The following FRAS1 variants were observed in gnomAD, a reference collection of about 807,000 sequenced individuals.
FRAS1 encodes Fraser extracellular matrix complex subunit 1.
A neutral mutation model predicts 435.2 loss-of-function variants in FRAS1; 290 were observed. That is an observed-to-expected ratio of 0.67 (90% CI 0.61 to 0.73). The LOEUF (loss-of-function observed/expected upper bound fraction) is 0.73. FRAS1 is among the 30% of genes least tolerant of loss of function. The pLI is 0.00. For missense variants in FRAS1, 4,860 were observed against 5,001.5 expected (o/e 0.97, Z 0.85); for synonymous variants, 1,800 against 1,851.0 (o/e 0.97, Z 0.71).
chr4:78,194,375 T>C (rs561919994), intron 2 of FRAS1, among the ~76,000 whole-genome samples: 38 of 152,352 alleles, frequency 2.5e-4, no homozygotes, highest in African/African-American at 9.1e-4. Flanking sequence ...GTTTTACAAC[T>C]TGGTTCCATT....
Position 78,193,056 on chromosome 4 carries a change from A to G in FRAS1, c.109-44454A>G, listed in dbSNP as rs563078112. On this transcript the variant is annotated intron_variant, in intron 2 of 73. Transcript: ENST00000512123. ...CCCAGCAGTCATTCAGGAGCAGGTTATTTATTTTCCATGTAGTTGAGCGGT... is the reference window on the plus strand; with the variant it reads ...CCCAGCAGTCATTCAGGAGCAGGTTGTTTATTTTCCATGTAGTTGAGCGGT... 3.4e-3 allele frequency among the ~76,000 whole-genome samples: 515 copies of G among 152,182 alleles called. 5 individuals carry two copies. The highest frequency in any genetic ancestry group is 0.012 in the African/African-American group (496 of 41,528).
intron 2 of FRAS1, among the ~76,000 whole-genome samples, chr4:78,188,330 C>CTATA (rs1560570789): frequency 2.8e-4 from 41 of 146,790 alleles, no homozygotes; most frequent in African/African-American, 1.0e-3. Context: ...ATCTATCTAT[C>CTATA]TATATTTAGG....
intron 14 of FRAS1, among the ~76,000 whole-genome samples, chr4:78,303,173 T>C (rs1480159634): frequency 6.6e-6 from 1 of 152,202 alleles, no homozygotes; most frequent in Admixed American, 6.5e-5. Context: ...GTTGTAGATA[T>C]GCGGCATTAT....
intron 30 of FRAS1, among the ~76,000 whole-genome samples, chr4:78,406,750 G>A (rs1205935152): frequency 6.6e-6 from 1 of 152,120 alleles, no homozygotes; most frequent in African/African-American, 2.4e-5. Context: ...TGGAGCTTAA[G>A]GAAGCTCACT....
In FRAS1 at chr4:78,363,534, A is replaced by G; in HGVS notation, c.2444A>G (p.His815Arg). The part of the protein sequence containing the change: ...YCADCHHLCQ[H>R]CAADLHNTGS... The stretch of plus-strand genomic sequence containing the variant: ...CCAGACTGCCATCACCTGTGCCAGC[A>G]CTGTGCAGCTGATCTCCACAACACT... The change falls in exon 21 of 74, where the codon CAC (histidine) becomes CGC (arginine). Residue 815 changes from histidine to arginine, a missense_variant. His to Arg is a conservative substitution (Grantham distance 29). Coordinates refer to ENST00000512123, the MANE Select transcript of FRAS1 (RefSeq NM_025074.7). 1 of 1,613,192 alleles carries G rather than the reference A, an allele frequency of 6.2e-7. No homozygotes were observed.
chr4:78,541,266 A>G lies in FRAS1; in HGVS notation c.*142A>G. ...CAGCACACATCACATGCATCAACTC[A>G]CAACTGAGCTACCTCATTCAGCAAA... On this transcript the variant is annotated 3_prime_UTR_variant, in exon 74 of 74. Transcript: ENST00000512123. The G allele has an allele frequency of 2.2e-6, 1 of 454,996 alleles. No individual in the cohort carries two copies. Among genetic ancestry groups the G allele is most frequent in the Middle Eastern group, 5.9e-4 (1 of 1,702 alleles). 28.2% of individuals were successfully genotyped at this position (454,996 alleles called of 1,614,324 possible).
intron 25 of FRAS1, among the ~76,000 whole-genome samples, chr4:78,375,162 G>C (rs907568776): frequency 3.3e-5 from 5 of 152,080 alleles, no homozygotes; most frequent in Non-Finnish European, 7.3e-5. Context: ...CCTATTAATA[G>C]CTGCTCCCCT....
chr4:78,405,417 C>T (rs926278612), intron 30 of FRAS1, among the ~76,000 whole-genome samples: 3 of 152,048 alleles, frequency 2.0e-5, no homozygotes, highest in Admixed American at 2.0e-4. Flanking sequence ...TTTTTTTCTA[C>T]TTGAGTACAA....
At chr4:78,388,343 A>C (rs958544901) in intron 29 of FRAS1, among the ~76,000 whole-genome samples, 1 of 151,862 alleles carries the variant, frequency 6.6e-6, no homozygotes, top group African/African-American at 2.4e-5. Flanking sequence ...AAAAAAAAAA[A>C]AAACAAAAAA....
chr4:78,060,845 A>G (rs930567660), intron 1 of FRAS1, among the ~76,000 whole-genome samples: 3 of 152,014 alleles, frequency 2.0e-5, no homozygotes, highest in African/African-American at 7.3e-5. Context: ...AAATTTTATT[A>G]TTTTTATTAT....
intron 2 of FRAS1, chr4:78,071,159 T>G (rs1422017518): frequency 6.6e-6 from 1 of 152,208 alleles, no homozygotes; most frequent in Non-Finnish European, 1.5e-5. Context: ...AAATGTGGAA[T>G]GTTGACTATA....
chr4:78,127,430 G>A (rs542137918), intron 2 of FRAS1, among the ~76,000 whole-genome samples: 10 of 152,298 alleles, frequency 6.6e-5, no homozygotes, highest in African/African-American at 2.2e-4. Flanking sequence ...TCAGTGTTCT[G>A]GCCATAGCCT....
intron 2 of FRAS1, among the ~76,000 whole-genome samples, chr4:78,184,321 T>A (rs1026343401): frequency 6.6e-6 from 1 of 152,206 alleles, no homozygotes; most frequent in African/African-American, 2.4e-5. Context: ...GTGGGAAAAC[T>A]GTCATGGATG....
intron 2 of FRAS1, chr4:78,182,052 T>C: frequency 6.6e-7 from 1 of 1,509,034 alleles, no homozygotes; most frequent in South Asian, 1.4e-5. Flanking sequence ...GGCATGATGG[T>C]GGCTCGGCGG....
chr4:78,377,901 A>G (rs1731843243), intron 26 of FRAS1, among the ~76,000 whole-genome samples: 1 of 151,316 alleles, frequency 6.6e-6, no homozygotes, highest in Non-Finnish European at 1.5e-5. Flanking sequence ...AGATCCCTAT[A>G]TGATTCTTAT....
chr4:78,220,884 A>C (rs1004210669), intron 2 of FRAS1, among the ~76,000 whole-genome samples: 1 of 152,176 alleles, frequency 6.6e-6, no homozygotes, highest in Non-Finnish European at 1.5e-5. Flanking sequence ...ACGTTTATTA[A>C]AAAATAATAC....
intron 29 of FRAS1, among the ~76,000 whole-genome samples, chr4:78,388,574 G>A (rs1172620904): frequency 8.9e-4 from 136 of 151,988 alleles, no homozygotes; most frequent in Non-Finnish European, 2.6e-4. Flanking sequence ...GAGGTAAGGG[G>A]ATCACTTGAG....
chr4:78,165,365 C>T (rs1406683752), intron 2 of FRAS1, among the ~76,000 whole-genome samples: 8 of 152,088 alleles, frequency 5.3e-5, no homozygotes, highest in Admixed American at 2.6e-4. Flanking sequence ...TTGAAAAACC[C>T]GAGGATCTTG....
At chr4:78,486,240 T>A (rs1314029566) in intron 58 of FRAS1, among the ~76,000 whole-genome samples, 3 of 152,206 alleles carry the variant, frequency 2.0e-5, no homozygotes, top group Non-Finnish European at 2.9e-5. Flanking sequence ...TTACATTCAC[T>A]TCATCAGTTA....
Sources: gnomAD v4.1 joint callset for allele counts (sites outside exome capture counted in the v4.1 genomes callset) on GRCh38, gnomAD v4.1.1 for gene constraint, MANE v1.5 for transcripts, NCBI Gene and HGNC (gene_info 2026-07-23, HGNC 2026-07-21) for gene names.